SPAG16: variants seen among roughly 807,000 people sequenced by gnomAD.
The protein encoded by SPAG16 is sperm-associated antigen 16 protein.
In SPAG16, 86 loss-of-function variants were observed where a neutral mutation model predicts 80.4. The ratio of observed to expected loss-of-function variants is 1.07; its 90% CI spans 0.90 to 1.28. The LOEUF (loss-of-function observed/expected upper bound fraction) is 1.28. Among genes scored for constraint, SPAG16 ranks in the 50% most tolerant of loss-of-function variants. The probability of loss-of-function intolerance (pLI) is 0.00; values close to 1 mark genes in which losing one functional copy is unlikely to be tolerated. For missense variants in SPAG16, 870 were observed against 765.3 expected (o/e 1.14, Z -1.61); for synonymous variants, 294 against 265.9 (o/e 1.11, Z -1.03).
intron 10 of SPAG16, among the ~76,000 whole-genome samples, chr2:213,835,374 C>T (rs2074018256): frequency 6.6e-6 from 1 of 152,092 alleles, no homozygotes; most frequent in South Asian, 2.1e-4. Flanking sequence ...AATGTTAAAT[C>T]ACAATCCCAC....
chr2:213,913,629 G>A (rs1267479512), intron 11 of SPAG16, among the ~76,000 whole-genome samples: 7 of 8,814 alleles, frequency 7.9e-4, no homozygotes, highest in African/African-American at 9.2e-4. Flanking sequence ...ATATGTACAT[G>A]TACATATATG....
chr2:213,866,236 A>G (rs2075675869), intron 11 of SPAG16, among the ~76,000 whole-genome samples: 2 of 152,058 alleles, frequency 1.3e-5, no homozygotes, highest in South Asian at 4.1e-4. Flanking sequence ...ACTGGTTTTA[A>G]AAATAAAGCA....
intron 10 of SPAG16, among the ~76,000 whole-genome samples, chr2:213,532,304 T>C (rs2076095790): frequency 6.6e-6 from 1 of 152,180 alleles, no homozygotes; most frequent in Non-Finnish European, 1.5e-5. Flanking sequence ...GTCACACTAC[T>C]TTGGCCTGAA....
chr2:214,350,089 C>T (rs543374950), intron 15 of SPAG16, among the ~76,000 whole-genome samples: 2 of 152,170 alleles, frequency 1.3e-5, no homozygotes, highest in East Asian at 3.9e-4. Context: ...CCTTTTTTTC[C>T]TGGCTACTTA....
intron 15 of SPAG16, among the ~76,000 whole-genome samples, chr2:214,270,676 C>T (rs78266666): frequency 0.016 from 2,504 of 152,170 alleles, 43 homozygotes; most frequent in East Asian, 0.068. Context: ...CACTTGCTTT[C>T]CCATATGCCT....
chr2:214,330,758 G>A (rs1696859517), intron 15 of SPAG16, among the ~76,000 whole-genome samples: 1 of 152,206 alleles, frequency 6.6e-6, no homozygotes, highest in African/African-American at 2.4e-5. Flanking sequence ...GATAGACCCA[G>A]GTGGGGGCCA....
intron 12 of SPAG16, among the ~76,000 whole-genome samples, chr2:213,973,190 G>T (rs2045173898): frequency 6.6e-6 from 1 of 152,074 alleles, no homozygotes; most frequent in African/African-American, 2.4e-5. Context: ...CATGTTCTTG[G>T]TTTCCAAATT....
intron 5 of SPAG16, among the ~76,000 whole-genome samples, chr2:213,322,795 C>T (rs113670874): frequency 3.3e-5 from 5 of 152,118 alleles, no homozygotes; most frequent in African/African-American, 1.2e-4. Flanking sequence ...AGCAGGGGAG[C>T]ACATCAGAAA....
At chr2:213,295,090 C>G (rs1439930354) in intron 1 of SPAG16, among the ~76,000 whole-genome samples, 1 of 152,034 alleles carries the variant, frequency 6.6e-6, no homozygotes, top group African/African-American at 2.4e-5. Context: ...TAAACAATGC[C>G]AGAGACATTT....
intron 11 of SPAG16, among the ~76,000 whole-genome samples, chr2:213,915,213 G>C (rs956026481): frequency 6.6e-6 from 1 of 151,752 alleles, no homozygotes; most frequent in East Asian, 1.9e-4. Context: ...ATGTGCCATG[G>C]TGGTTTGCTG....
chr2:214,354,071 C>CATGTACCCCATAAATATATAT (rs1698601004), intron 15 of SPAG16, among the ~76,000 whole-genome samples: 1 of 151,928 alleles, frequency 6.6e-6, no homozygotes, highest in Non-Finnish European at 1.5e-5. Flanking sequence ...TGTATCAAAA[C>CATGTACCCCATAAATATATAT]ATGTACCCCA....
intron 15 of SPAG16, among the ~76,000 whole-genome samples, chr2:214,381,810 G>T (rs1489141736): frequency 6.6e-6 from 1 of 152,156 alleles, no homozygotes; most frequent in Non-Finnish European, 1.5e-5. Flanking sequence ...CACTCTATTA[G>T]ATGTCTCTGC....
intron 9 of SPAG16, among the ~76,000 whole-genome samples, chr2:213,437,743 A>G (rs939686976): frequency 6.6e-6 from 1 of 152,216 alleles, no homozygotes; most frequent in Non-Finnish European, 1.5e-5. Flanking sequence ...ACAAAATGCA[A>G]TAAACTTAAT....
At chr2:213,482,554 T>C (rs2073799701) in intron 9 of SPAG16, among the ~76,000 whole-genome samples, 1 of 152,086 alleles carries the variant, frequency 6.6e-6, no homozygotes, top group Non-Finnish European at 1.5e-5. Flanking sequence ...TTTAGAATTT[T>C]TATTTTATTT....
rs888197033 is a variant in SPAG16, at chr2:214,272,753, C to T, written c.1720+123487C>T. 9.9e-5 allele frequency among the ~76,000 whole-genome samples: 15 copies of T among 152,116 alleles called. 1 individual carries two copies. Among genetic ancestry groups the T allele is most frequent in the African/African-American group, 3.4e-4 (14 of 41,420 alleles). On this transcript the variant is annotated intron_variant, in intron 15 of 15. Coordinates refer to ENST00000331683, the MANE Select transcript of SPAG16 (RefSeq NM_024532.5). ...CGTGAATAGTGCTGCAATAAACATA[C>T]GTGTGCATGTGTCTTTACAGTAGCA...
At chr2:213,600,896 T>C (rs1330530035) in intron 10 of SPAG16, among the ~76,000 whole-genome samples, 1 of 152,184 alleles carries the variant, frequency 6.6e-6, no homozygotes, top group African/African-American at 2.4e-5. Context: ...GGCAAATTAG[T>C]ATGAGAAATG....
At chr2:214,237,060 C>A (rs555252060) in intron 15 of SPAG16, among the ~76,000 whole-genome samples, 12 of 152,192 alleles carry the variant, frequency 7.9e-5, no homozygotes, top group African/African-American at 2.6e-4. Flanking sequence ...ATTTTAAGCA[C>A]CAGGATATTT....
chr2:213,934,635 A>C, intron 12 of SPAG16, among the ~76,000 whole-genome samples: 1 of 152,218 alleles, frequency 6.6e-6, no homozygotes. Flanking sequence ...GCACTTGGCT[A>C]TATATCTAAA....
At chr2:213,526,725 A>T (rs148575887) in intron 10 of SPAG16, among the ~76,000 whole-genome samples, 2 of 152,338 alleles carry the variant, frequency 1.3e-5, no homozygotes, top group African/African-American at 2.4e-5. Context: ...ACATTTTGAG[A>T]ACTTCTATTT....
Sources: gnomAD v4.1 joint callset for allele counts (sites outside exome capture counted in the v4.1 genomes callset) on GRCh38, gnomAD v4.1.1 for gene constraint, MANE v1.5 for transcripts, NCBI Gene and HGNC (gene_info 2026-07-23, HGNC 2026-07-21) for gene names.